The following HSDL1 variants were observed in gnomAD, a reference collection of about 807,000 sequenced individuals.
HSDL1 encodes hydroxysteroid dehydrogenase like 1, also known as inactive hydroxysteroid dehydrogenase-like protein 1.
Under a neutral mutation model 31.5 loss-of-function variants are expected in HSDL1, and 29 were observed. The observed-to-expected ratio is 0.92, with a 90% confidence interval of 0.69 to 1.26. The LOEUF (loss-of-function observed/expected upper bound fraction) is 1.26, where lower values mean the gene tolerates loss of function less well. Among genes scored for constraint, HSDL1 ranks in the 50% most tolerant of loss-of-function variants. HSDL1 has a pLI of 0.00. For synonymous variants in HSDL1, 222 were observed against 155.2 expected, an observed-to-expected ratio of 1.43 and a Z score of -3.20; for missense variants, 503 against 416.6, an observed-to-expected ratio of 1.21 and a Z score of -1.81.
At chr16:84,127,108 A>ATT (rs1479469803) in intron 5 of HSDL1, among the ~76,000 whole-genome samples, 2 of 151,870 alleles carry the variant, frequency 1.3e-5, no homozygotes, top group Non-Finnish European at 2.9e-5. Flanking sequence ...TTCTAAAAAA[A>ATT]TTTTATGGTC....
intron 3 of HSDL1, 70 bp downstream of exon 3, chr16:84,131,032 A>C: frequency 8.1e-7 from 1 of 1,239,940 alleles, no homozygotes; most frequent in Non-Finnish European, 1.1e-6. Context: ...CACCACATTA[A>C]ATTCAATAGC....
intron 2 of HSDL1, among the ~76,000 whole-genome samples, chr16:84,132,421 T>G (rs555163738): frequency 7.2e-4 from 110 of 152,162 alleles, no homozygotes; most frequent in Non-Finnish European, 1.5e-3. Context: ...CTTGGAAAAA[T>G]GGCTTCTCAA....
Position 84,130,264 on chromosome 16 carries a change from G to T in HSDL1, c.388C>A (p.Arg130Ser). 3 of 1,614,014 alleles carry T rather than the reference G, an allele frequency of 1.9e-6. No individual in the cohort carries two copies. The highest frequency in any genetic ancestry group is 1.1e-5 in the South Asian group (1 of 91,058). The change falls in exon 4 of 6, where the codon CGT (arginine) becomes AGT (serine). Residue 130 changes from arginine (R) to serine (S), a missense_variant. Transcript: ENST00000219439. ...DIIVADFSSG[R>S]EIYLPIREAL... Reference sequence around the variant, plus strand: ...TCTCGAATTGGAAGGTAGATCTCACGACCGCTGCTGAAGTCCGCAACTATA... The same window carrying T: ...TCTCGAATTGGAAGGTAGATCTCACTACCGCTGCTGAAGTCCGCAACTATA...
rs2086570016 is a variant in HSDL1, at chr16:84,123,016, C to T, written c.*1614G>A. ...GAAGTTGCTGCTGCTTATTATACAT[C>T]AAAGTTCACGTCAATGTGGCATGAA... On this transcript the variant is annotated 3_prime_UTR_variant, in exon 6 of 6. Transcript: ENST00000219439. 6.6e-6 allele frequency: 1 copy of T among 152,208 alleles called. No homozygotes were observed. The highest frequency in any genetic ancestry group is 1.5e-5 in the Non-Finnish European group (1 of 68,034). The allele number at this position is 152,208 out of a possible 1,614,324, so 9.4% of individuals were successfully genotyped here.
At chr16:84,135,763 G>A (rs1017655615) in intron 1 of HSDL1, among the ~76,000 whole-genome samples, 158 bp from the exon 2 acceptor site, 3 of 152,208 alleles carry the variant, frequency 2.0e-5, no homozygotes, top group African/African-American at 7.2e-5. Flanking sequence ...CCATGTACTA[G>A]GCACCAAGTA....
intron 2 of HSDL1, among the ~76,000 whole-genome samples, chr16:84,134,174 G>A (rs2086691926): frequency 1.3e-5 from 2 of 152,062 alleles, no homozygotes; most frequent in African/African-American, 2.4e-5. Context: ...AGAGGAAGCC[G>A]CGCCACCACC....
chr16:84,142,557 T>A (rs2086778211), intron 1 of HSDL1, among the ~76,000 whole-genome samples: 1 of 147,120 alleles, frequency 6.8e-6, no homozygotes, highest in Non-Finnish European at 1.5e-5. Context: ...TGCCTCAGCC[T>A]CCCAAGTAAC....
chr16:84,143,796 AG>A (rs1315292223), intron 1 of HSDL1, among the ~76,000 whole-genome samples: 3 of 151,566 alleles, frequency 2.0e-5, no homozygotes, highest in African/African-American at 7.3e-5. Context: ...CAGGAGTTCA[AG>A]GCTACCCTGA....
At chr16:84,129,524 A>G in intron 5 of HSDL1, 24 bp downstream of exon 5, 1 of 1,519,302 alleles carries the variant, frequency 6.6e-7, no homozygotes, top group African/African-American at 1.4e-5. Flanking sequence ...TAATCTAATT[A>G]TGAGACCTGA....
chr16:84,140,080 G>A (rs1046750278), intron 1 of HSDL1, among the ~76,000 whole-genome samples: 1 of 151,904 alleles, frequency 6.6e-6, no homozygotes, highest in African/African-American at 2.4e-5. Flanking sequence ...CCCTTCCCAG[G>A]CCGTGGCACT....
At chr16:84,131,840 C>T (rs573198692) in intron 2 of HSDL1, among the ~76,000 whole-genome samples, 7 of 152,138 alleles carry the variant, frequency 4.6e-5, no homozygotes, top group Non-Finnish European at 8.8e-5. Context: ...CCACCTCGCC[C>T]GGCTAATTTT....
intron 2 of HSDL1, among the ~76,000 whole-genome samples, chr16:84,131,530 T>TATCAATCAATCA (rs1555517127): frequency 3.6e-4 from 52 of 146,246 alleles, no homozygotes; most frequent in East Asian, 6.2e-4. Flanking sequence ...TCTATCTATC[T>TATCAATCAATCA]ATCAGACAGA....
In HSDL1 at chr16:84,125,829, C is replaced by T. The variant is rs528582241; in HGVS notation, c.895-1101G>A. The stretch of plus-strand genomic sequence containing the variant: ...GTTAAGAACCACAAAATCGGCTGGG[C>T]ACGCTGGCTCATGCCTGTAATCCCA... On this transcript the variant is annotated intron_variant, in intron 5 of 5. Transcript: ENST00000219439. 3.6e-3 allele frequency among the ~76,000 whole-genome samples: 552 copies of T among 152,318 alleles called. 4 individuals carry two copies. The highest frequency in any genetic ancestry group is 0.012 in the African/African-American group (516 of 41,568).
chr16:84,140,360 G>T (rs1451698171), intron 1 of HSDL1, among the ~76,000 whole-genome samples: 2 of 152,130 alleles, frequency 1.3e-5, no homozygotes, highest in Non-Finnish European at 2.9e-5. Flanking sequence ...CGCCTCCTGG[G>T]TTCAAGCGTT....
chr16:84,133,228 A>AAT (rs2086684338), intron 2 of HSDL1, among the ~76,000 whole-genome samples: 1 of 152,154 alleles, frequency 6.6e-6, no homozygotes, highest in Non-Finnish European at 1.5e-5. Flanking sequence ...CTATTGAATA[A>AAT]ATATATATAA....
chr16:84,145,149 C>A lies in HSDL1; in HGVS notation c.-138G>T. On this transcript the variant is annotated 5_prime_UTR_variant, in exon 1 of 6. Transcript: ENST00000219439. ...GCGGCCGCCGCCCCCGTCTCGGCCG[C>A]CGGAGCTGCTGCCGCGCCGCGCCCT... 1 of 215,812 alleles carries A rather than the reference C, an allele frequency of 4.6e-6. No homozygotes were observed. The highest frequency in any genetic ancestry group is 9.0e-6 in the Non-Finnish European group (1 of 111,614). 13.4% of individuals were successfully genotyped at this position (215,812 alleles called of 1,614,324 possible).
intron 1 of HSDL1, chr16:84,139,357 G>C (rs1043007909): frequency 2.0e-5 from 3 of 152,464 alleles, no homozygotes; most frequent in African/African-American, 7.2e-5. Context: ...TGACTACAAA[G>C]GGAGAGGTCA....
intron 1 of HSDL1, among the ~76,000 whole-genome samples, chr16:84,136,138 C>G (rs950844223): frequency 6.6e-6 from 1 of 152,230 alleles, no homozygotes; most frequent in African/African-American, 2.4e-5. Context: ...TTTCCAAATT[C>G]CTGGCAGGGA....
intron 5 of HSDL1, among the ~76,000 whole-genome samples, chr16:84,128,584 G>T (rs921489747): frequency 6.6e-6 from 1 of 151,986 alleles, no homozygotes; most frequent in African/African-American, 2.4e-5. Flanking sequence ...TGGTTTTGTG[G>T]TTTTTTTGGA....
Sources: gnomAD v4.1 joint callset for allele counts (sites outside exome capture counted in the v4.1 genomes callset) on GRCh38, gnomAD v4.1.1 for gene constraint, MANE v1.5 for transcripts, NCBI Gene and HGNC (gene_info 2026-07-23, HGNC 2026-07-21) for gene names.